Variants in MSRA observed in about 807,000 individuals in gnomAD.
MSRA encodes methionine sulfoxide reductase A.
A neutral mutation model predicts 31.3 loss-of-function variants in MSRA; 54 were observed. The ratio of observed to expected loss-of-function variants is 1.73; its 90% CI spans 1.39 to 2.17. MSRA has a LOEUF of 2.17. Ranked by LOEUF, MSRA falls within the 30% of genes most tolerant of loss-of-function variation. MSRA has a pLI of 0.00. For missense variants in MSRA, 507 were observed against 300.9 expected (o/e 1.69, Z -5.07); for synonymous variants, 169 against 116.5 (o/e 1.45, Z -2.90).
chr8:10,101,656 G>C (rs1378533657), intron 1 of MSRA, among the ~76,000 whole-genome samples: 1 of 152,106 alleles, frequency 6.6e-6, no homozygotes, highest in African/African-American at 2.4e-5. Flanking sequence ...TTTTGTGACT[G>C]GCTTCTTTCA....
intron 3 of MSRA, among the ~76,000 whole-genome samples, chr8:10,269,589 G>A (rs1449833254): frequency 6.6e-6 from 1 of 152,182 alleles, no homozygotes; most frequent in Non-Finnish European, 1.5e-5. Flanking sequence ...AGAAAATTTG[G>A]ACATCAGCTT....
intron 1 of MSRA, among the ~76,000 whole-genome samples, chr8:10,090,032 G>C (rs1798779193): frequency 6.6e-6 from 1 of 152,192 alleles, no homozygotes; most frequent in African/African-American, 2.4e-5. Context: ...AACCACAGCA[G>C]CATGAAAGGG....
chr8:10,175,066 A>T (rs1215411039), intron 1 of MSRA, among the ~76,000 whole-genome samples: 1 of 151,868 alleles, frequency 6.6e-6, no homozygotes, highest in Non-Finnish European at 1.5e-5. Context: ...CACCATCCAC[A>T]TTTCTGGTTC....
chr8:10,211,394 G>T (rs1809482333), intron 2 of MSRA, among the ~76,000 whole-genome samples: 1 of 152,158 alleles, frequency 6.6e-6, no homozygotes, highest in East Asian at 1.9e-4. Flanking sequence ...TTCCTCTGTG[G>T]CTCTCCCTCT....
At chr8:10,255,724 G>C (rs138320473) in intron 3 of MSRA, among the ~76,000 whole-genome samples, 1 of 151,766 alleles carries the variant, frequency 6.6e-6, no homozygotes, top group African/African-American at 2.4e-5. Flanking sequence ...GAGTCAGGTC[G>C]TAAAATGGTG....
intron 1 of MSRA, among the ~76,000 whole-genome samples, chr8:10,174,366 C>A (rs117679060): frequency 0.02 from 3,084 of 152,158 alleles, 40 homozygotes; most frequent in Middle Eastern, 0.048. Flanking sequence ...GGGGTGGACT[C>A]GGGATGGAGG....
At chr8:10,082,145 G>A (rs1798327089) in intron 1 of MSRA, among the ~76,000 whole-genome samples, 1 of 152,144 alleles carries the variant, frequency 6.6e-6, no homozygotes, top group African/African-American at 2.4e-5. Context: ...GGTCAAGACT[G>A]AGTGAGCTGT....
intron 1 of MSRA, among the ~76,000 whole-genome samples, chr8:10,057,554 C>G (rs1016040859): frequency 2.6e-5 from 4 of 152,034 alleles, no homozygotes; most frequent in African/African-American, 9.7e-5. Context: ...GTTTTGTGTC[C>G]TCACGTAAAT....
chr8:10,120,494 C>G (rs895454497), intron 1 of MSRA, among the ~76,000 whole-genome samples: 5 of 152,164 alleles, frequency 3.3e-5, no homozygotes, highest in African/African-American at 1.2e-4. Context: ...CAGTCACTTC[C>G]AAAATACTAA....
chr8:10,337,070 A>G (rs952846942), intron 5 of MSRA: 2 of 152,398 alleles, frequency 1.3e-5, no homozygotes, highest in South Asian at 2.1e-4. Flanking sequence ...AGGTTTCGCA[A>G]TTCACATCAC....
At chr8:10,307,169 A>C (rs935828280) in intron 4 of MSRA, among the ~76,000 whole-genome samples, 1 of 133,040 alleles carries the variant, frequency 7.5e-6, no homozygotes. Context: ...AAGGATGCAC[A>C]TTTTTTTTTT....
chr8:10,074,380 C>T (rs182549982), intron 1 of MSRA, among the ~76,000 whole-genome samples: 25 of 151,960 alleles, frequency 1.6e-4, no homozygotes, highest in South Asian at 4.2e-4. Flanking sequence ...CCGCACCCAG[C>T]CTGTCTAAGG....
At chr8:10,387,917 T>C (rs1273274706) in intron 5 of MSRA, among the ~76,000 whole-genome samples, 1 of 152,214 alleles carries the variant, frequency 6.6e-6, no homozygotes, top group African/African-American at 2.4e-5. Context: ...TCCAATTTCC[T>C]GTAATTCAAA....
intron 2 of MSRA, among the ~76,000 whole-genome samples, chr8:10,222,115 T>C (rs1431202584): frequency 6.6e-6 from 1 of 152,094 alleles, no homozygotes; most frequent in Non-Finnish European, 1.5e-5. Context: ...AGTGCTCTGT[T>C]GAAGATGGCA....
At chr8:10,286,968 G>A (rs973289569) in intron 3 of MSRA, among the ~76,000 whole-genome samples, 2 of 152,224 alleles carry the variant, frequency 1.3e-5, no homozygotes, top group Non-Finnish European at 1.5e-5. Flanking sequence ...TCGAGACTCA[G>A]AGAGGTTAAG....
At chr8:10,170,098 G>C (rs1402983022) in intron 1 of MSRA, among the ~76,000 whole-genome samples, 2 of 145,806 alleles carry the variant, frequency 1.4e-5, no homozygotes, top group Non-Finnish European at 3.0e-5. Context: ...TGTTAGTCAG[G>C]TAGTCTTGAA....
intron 2 of MSRA, among the ~76,000 whole-genome samples, chr8:10,223,484 G>A (rs760350174): frequency 4.6e-5 from 7 of 152,220 alleles, no homozygotes; most frequent in Admixed American, 4.6e-4. Flanking sequence ...TAGAATGTCA[G>A]ATATTGGTTA....
intron 3 of MSRA, among the ~76,000 whole-genome samples, chr8:10,246,424 T>C (rs1414754902): frequency 6.6e-6 from 1 of 152,208 alleles, no homozygotes; most frequent in Non-Finnish European, 1.5e-5. Context: ...CTAAAAAAAA[T>C]TATATTCACC....
At chr8:10,406,854 C>T (rs527925559) in intron 5 of MSRA, among the ~76,000 whole-genome samples, 2 of 152,300 alleles carry the variant, frequency 1.3e-5, no homozygotes, top group African/African-American at 2.4e-5. Flanking sequence ...CCTTGTCAGA[C>T]GTGATCTTCT....
Sources: allele counts gnomAD v4.1 joint callset (sites outside exome capture counted in the v4.1 genomes callset), GRCh38; gene constraint gnomAD v4.1.1; transcripts MANE v1.5; gene names NCBI Gene and HGNC (gene_info 2026-07-23, HGNC 2026-07-21).